The following MYLK3 variants were observed in gnomAD, a reference collection of about 807,000 sequenced individuals.
MYLK3 encodes the protein MLC kinase.
In MYLK3, 55 loss-of-function variants were observed where a neutral mutation model predicts 76.3. The ratio of observed to expected loss-of-function variants is 0.72; its 90% CI spans 0.58 to 0.90. The LOEUF is 0.90. Ranked by LOEUF, MYLK3 falls within the 40% of genes least tolerant of loss-of-function variation. MYLK3 has a pLI of 0.00. For missense variants in MYLK3, 973 were observed against 1,053.6 expected (o/e 0.92, Z 1.06); for synonymous variants, 416 against 425.4 (o/e 0.98, Z 0.27).
chr16:46,719,055 C>T (rs1005405825), intron 9 of MYLK3, among the ~76,000 whole-genome samples: 1 of 151,958 alleles, frequency 6.6e-6, no homozygotes, highest in Non-Finnish European at 1.5e-5. Context: ...TTCGGCCTGC[C>T]GTGGTGGCTC....
In MYLK3 at chr16:46,712,383, C is replaced by T. The variant is rs1016549557; in HGVS notation, c.2114+265G>A. ...AGACCTTTGTTCCAGGGAATAATAT[C>T]GGCACATCTCAATTTTTTCAATATT... On this transcript the variant is annotated intron_variant, in intron 10 of 12. Coordinates refer to ENST00000394809, the MANE Select transcript of MYLK3 (RefSeq NM_182493.3). 5.9e-5 allele frequency among the ~76,000 whole-genome samples: 9 copies of T among 151,768 alleles called. No individual in the cohort carries two copies. In the Middle Eastern group the frequency reaches 0.01, roughly 173 times the overall value.
intron 2 of MYLK3, 130 bp from the exon 3 acceptor site, chr16:46,738,273 A>G: frequency 1.3e-6 from 1 of 791,592 alleles, no homozygotes; most frequent in Non-Finnish European, 1.9e-6. Flanking sequence ...AAGCAACCCA[A>G]ATGAAAGGGG....
rs977049832 is a variant in MYLK3 at position 46,721,059 on chromosome 16, T to C, written c.1985+64A>G. ...GCATTAGCTGGGTCAGGAGTAACCA[T>C]GCCCAGAGAGCCACAAAGAGTCCCA... On this transcript the variant is annotated intron_variant, in intron 9 of 12. Coordinates refer to ENST00000394809, the MANE Select transcript of MYLK3 (RefSeq NM_182493.3). 2.1e-5 allele frequency: 30 copies of C among 1,420,320 alleles called. No individual in the cohort carries two copies. In the South Asian group the frequency reaches 3.2e-4, roughly 15 times the overall value. The allele number at this position is 1,420,320 out of a possible 1,614,324, so 88.0% of individuals were successfully genotyped here.
At chr16:46,742,720 G>A (rs184724900) in intron 1 of MYLK3, among the ~76,000 whole-genome samples, 31 of 152,286 alleles carry the variant, frequency 2.0e-4, no homozygotes, top group Admixed American at 1.8e-3. Context: ...CATAGCACAT[G>A]GAGAACACAC....
chr16:46,761,992 T>C (rs1967281728), intron 1 of MYLK3, among the ~76,000 whole-genome samples: 1 of 151,732 alleles, frequency 6.6e-6, no homozygotes, highest in Admixed American at 6.6e-5. Flanking sequence ...AGCAAGTGTT[T>C]ACCACTTCTG....
At chr16:46,752,054 C>G (rs750392532), upstream of MYLK3, among the ~76,000 whole-genome samples, 1 of 152,034 alleles carries the variant, frequency 6.6e-6, no homozygotes, top group Non-Finnish European at 1.5e-5. Flanking sequence ...TACAATAACC[C>G]CTTGTCTTTC....
At chr16:46,752,954 T>C (rs1241798620), upstream of MYLK3, among the ~76,000 whole-genome samples, 1 of 152,160 alleles carries the variant, frequency 6.6e-6, no homozygotes, top group Non-Finnish European at 1.5e-5. Context: ...ATTTCTCTCC[T>C]TCCCCTCCAG....
At chr16:46,716,305 G>A (rs1192626663) in intron 9 of MYLK3, among the ~76,000 whole-genome samples, 1 of 151,912 alleles carries the variant, frequency 6.6e-6, no homozygotes, top group Non-Finnish European at 1.5e-5. Flanking sequence ...TTATGGGATA[G>A]ATAGATGGAT....
chr16:46,760,630 T>C (rs184188616), intron 1 of MYLK3, among the ~76,000 whole-genome samples: 2 of 152,214 alleles, frequency 1.3e-5, no homozygotes, highest in East Asian at 1.9e-4. Flanking sequence ...CCACCCCACA[T>C]CCCATCAAAA....
chr16:46,727,331 G>T lies in MYLK3; in HGVS notation c.1819C>A (p.His607Asn), dbSNP rs775044781. 1.7e-5 allele frequency: 27 copies of T among 1,613,740 alleles called. No homozygotes were observed. In the African/African-American group the frequency reaches 3.3e-4, roughly 20 times the overall value. The change falls in exon 8 of 13, where the codon CAC becomes AAC. Residue 607 changes from histidine to asparagine, a missense_variant. By Grantham distance (68) the His-to-Asn change is moderately conservative. Transcript: ENST00000394809. The part of the protein sequence containing the change: ...LFDRITDEKY[H>N]LTELDVVLFT... ...AGGACCACATCCAGCTCAGTCAGGT[G>T]GTACTTCTCATCTGTGATCCGGTCG...
chr16:46,734,697 C>A (rs1482643611), intron 3 of MYLK3, among the ~76,000 whole-genome samples: 1 of 152,066 alleles, frequency 6.6e-6, no homozygotes, highest in Non-Finnish European at 1.5e-5. Flanking sequence ...TTCATGGAGA[C>A]AGAAAGTACA....
chr16:46,747,587 T>C, intron 1 of MYLK3, 130 bp downstream of exon 1: 1 of 893,662 alleles, frequency 1.1e-6, no homozygotes, highest in Non-Finnish European at 1.7e-6. Flanking sequence ...CCAGCTCTCC[T>C]TTTCCCCATC....
chr16:46,758,322 T>A (rs1418012960), intron 1 of MYLK3, among the ~76,000 whole-genome samples: 70 of 149,844 alleles, frequency 4.7e-4, no homozygotes, highest in East Asian at 2.3e-3. Context: ...TCTCTCTCTC[T>A]CTCTCTCTCT....
rs1223593096 is a variant in MYLK3 at position 46,730,655 on chromosome 16, C to T, written c.1506G>A (p.Val502=). The change falls in exon 5 of 13, where the codon GTG becomes GTA. Residue 502 remains valine (V), a synonymous_variant. Coordinates refer to ENST00000394809, the MANE Select transcript of MYLK3 (RefSeq NM_182493.3). ...CAGAGATGGAGGTCTCCTTGACGCT[C>T]ACTACCCGGTGTTCAAAAGGAGCTG... The part of the protein sequence containing the change: ...APPAPFEHRV[V]SVKETSISAG... The T allele has an allele frequency of 6.2e-7, 1 of 1,614,078 alleles. No individual in the cohort carries two copies. Among genetic ancestry groups the T allele is most frequent in the Admixed American group, 1.7e-5 (1 of 60,018 alleles).
At chr16:46,722,063 G>A (rs931569617) in intron 8 of MYLK3, among the ~76,000 whole-genome samples, 1 of 152,110 alleles carries the variant, frequency 6.6e-6, no homozygotes. Context: ...TGGCAGCCTT[G>A]GCACGCCTCT....
intron 9 of MYLK3, among the ~76,000 whole-genome samples, chr16:46,716,195 T>C (rs528126622): frequency 6.6e-6 from 1 of 152,270 alleles, no homozygotes; most frequent in African/African-American, 2.4e-5. Flanking sequence ...GTTTATTTTC[T>C]GGAACTTGCC....
At chr16:46,736,237 T>G (rs1278618207) in intron 3 of MYLK3, among the ~76,000 whole-genome samples, 2 of 152,142 alleles carry the variant, frequency 1.3e-5, no homozygotes, top group African/African-American at 4.8e-5. Context: ...GGCCTCAAGC[T>G]CCTAGGCTCA....
intron 1 of MYLK3, among the ~76,000 whole-genome samples, chr16:46,744,540 G>A: frequency 6.8e-6 from 1 of 147,618 alleles, no homozygotes; most frequent in East Asian, 2.0e-4. Context: ...CAGGGTTTCA[G>A]CATGTTGGCC....
At position 46,754,046 on chromosome 16, in the gene MYLK3, T is replaced by C. The variant is rs535832404; in HGVS notation, c.-114+8994A>G. Among the ~76,000 whole-genome samples, 3 of 152,262 alleles carry C rather than the reference T, an allele frequency of 2.0e-5. No homozygotes were observed. The South Asian group carries it at 6.2e-4, about 32-fold the overall frequency. ...AAAGAGAGGCCTTGGAATTTAAAAA[T>C]ATGAATAGTAAAATTTAAAAATTCA... On this transcript the variant is annotated intron_variant, in intron 1 of 11. Transcript: ENST00000536476.
Sources: gnomAD v4.1 joint callset for allele counts (sites outside exome capture counted in the v4.1 genomes callset) on GRCh38, gnomAD v4.1.1 for gene constraint, MANE v1.5 for transcripts, NCBI Gene and HGNC (gene_info 2026-07-23, HGNC 2026-07-21) for gene names.